The following AOPEP variants were observed in gnomAD, a reference collection of about 807,000 sequenced individuals.
The protein encoded by AOPEP is aminopeptidase O (putative).
A neutral mutation model predicts 98.1 loss-of-function variants in AOPEP; 77 were observed. That is an observed-to-expected ratio of 0.78 (90% CI 0.65 to 0.95). The LOEUF is 0.95. Ranked by LOEUF, AOPEP falls within the 40% of genes least tolerant of loss-of-function variation. The pLI is 0.00. For missense variants in AOPEP, 1,024 were observed against 1,024.7 expected, an observed-to-expected ratio of 1.00 and a Z score of 0.01; for synonymous variants, 346 against 365.3, an observed-to-expected ratio of 0.95 and a Z score of 0.60.
At chr9:94,913,694 A>AGCAG (rs2136511838) in intron 5 of AOPEP, among the ~76,000 whole-genome samples, 1 of 152,350 alleles carries the variant, frequency 6.6e-6, no homozygotes. Flanking sequence ...AATTTGTTTA[A>AGCAG]CAAAGGTGGT....
intron 14 of AOPEP, among the ~76,000 whole-genome samples, chr9:95,076,633 A>G (rs754377961): frequency 2.6e-5 from 4 of 152,230 alleles, no homozygotes; most frequent in Non-Finnish European, 5.9e-5. Flanking sequence ...AATGCAATCC[A>G]TGAAGTTATC....
At chr9:94,851,635 T>A (rs991291304) in intron 5 of AOPEP, among the ~76,000 whole-genome samples, 3 of 151,624 alleles carry the variant, frequency 2.0e-5, no homozygotes, top group Non-Finnish European at 2.9e-5. Context: ...CACTGTGATC[T>A]GATGACTGGT....
At chr9:95,057,560 A>G (rs1459894378) in intron 13 of AOPEP, among the ~76,000 whole-genome samples, 2 of 152,274 alleles carry the variant, frequency 1.3e-5, no homozygotes, top group Non-Finnish European at 2.9e-5. Context: ...AGACAAATGT[A>G]TGGAAGCTGT....
In AOPEP at chr9:95,082,649, C is replaced by T; in HGVS notation, c.2394C>T (p.Cys798=). The change falls in exon 16 of 17, where the codon TGC becomes TGT. Residue 798 remains cysteine, a synonymous_variant. Coordinates refer to ENST00000375315, the MANE Select transcript of AOPEP (RefSeq NM_001193329.3). Reference sequence around the variant, plus strand: ...GACAGCAGCAGCTCGCCCGTAGGTGCTTCGAGCGGACCAAGGAGCAGATGG... The same window carrying T: ...GACAGCAGCAGCTCGCCCGTAGGTGTTTCGAGCGGACCAAGGAGCAGATGG... The part of the protein sequence containing the change: ...DARQQQLARR[C]FERTKEQMDR... The T allele has an allele frequency of 6.2e-7, 1 of 1,614,228 alleles. No homozygotes were observed. The highest frequency in any genetic ancestry group is 8.5e-7 in the Non-Finnish European group (1 of 1,180,042).
chr9:95,002,199 TAGAA>T (rs1267830881), intron 11 of AOPEP, among the ~76,000 whole-genome samples: 1 of 152,204 alleles, frequency 6.6e-6, no homozygotes, highest in Non-Finnish European at 1.5e-5. Flanking sequence ...AGGAGGTAAT[TAGAA>T]AGATATTCAT....
intron 13 of AOPEP, among the ~76,000 whole-genome samples, chr9:95,016,980 T>G (rs1293399755): frequency 1.3e-5 from 2 of 149,496 alleles, no homozygotes; most frequent in African/African-American, 2.4e-5. Context: ...GCTCATGCTA[T>G]TAATTTATAA....
chr9:94,979,877 C>T (rs2060076188), intron 11 of AOPEP, among the ~76,000 whole-genome samples: 2 of 152,194 alleles, frequency 1.3e-5, no homozygotes, highest in South Asian at 4.1e-4. Flanking sequence ...GCCCCATGGT[C>T]CCTGTCCCTT....
At chr9:95,025,563 T>C (rs2063775594) in intron 13 of AOPEP, among the ~76,000 whole-genome samples, 1 of 152,200 alleles carries the variant, frequency 6.6e-6, no homozygotes, top group South Asian at 2.1e-4. Context: ...GGAGAAAAGG[T>C]GCAAGAAAGG....
intron 5 of AOPEP, among the ~76,000 whole-genome samples, chr9:94,825,290 C>G (rs892550624): frequency 6.6e-6 from 1 of 152,202 alleles, no homozygotes. Flanking sequence ...AGACCAGCCC[C>G]GCATCCTGCT....
At chr9:95,004,655 G>A (rs2061801312) in intron 11 of AOPEP, among the ~76,000 whole-genome samples, 1 of 151,702 alleles carries the variant, frequency 6.6e-6, no homozygotes, top group South Asian at 2.1e-4. Flanking sequence ...CCTGCGGCGG[G>A]CGGCGCGGGC....
At chr9:94,777,894 G>A (rs1032103462) in intron 3 of AOPEP, among the ~76,000 whole-genome samples, 2 of 151,872 alleles carry the variant, frequency 1.3e-5, no homozygotes, top group African/African-American at 4.8e-5. Flanking sequence ...AAAGTGCTGG[G>A]ATTACAGGTG....
intron 5 of AOPEP, among the ~76,000 whole-genome samples, chr9:94,905,309 A>T (rs1588813378): frequency 6.6e-6 from 1 of 152,338 alleles, no homozygotes. Context: ...TCTTTCAGTA[A>T]AATTAAAATA....
intron 5 of AOPEP, among the ~76,000 whole-genome samples, chr9:94,820,875 C>T (rs1209427189): frequency 6.6e-6 from 1 of 152,168 alleles, no homozygotes; most frequent in Admixed American, 6.5e-5. Context: ...TCTCTCGCCC[C>T]CAACCTAATG....
intron 16 of AOPEP, among the ~76,000 whole-genome samples, chr9:95,083,569 G>A (rs1280534304): frequency 1.4e-4 from 20 of 143,670 alleles, no homozygotes; most frequent in African/African-American, 3.1e-4. Flanking sequence ...CACACACAGC[G>A]CATGCACAAC....
chr9:95,146,026 A>C, the AOPEP span, among the ~76,000 whole-genome samples: 6 of 152,170 alleles, frequency 3.9e-5, no homozygotes, highest in Non-Finnish European at 5.9e-5. Flanking sequence ...ATTCTAAGAC[A>C]ATCAGGATAA....
intron 13 of AOPEP, among the ~76,000 whole-genome samples, chr9:95,049,623 T>C (rs1416972883): frequency 2.6e-5 from 4 of 152,208 alleles, no homozygotes; most frequent in Non-Finnish European, 4.4e-5. Flanking sequence ...TACTTTTTCT[T>C]ATAGGAGCAC....
chr9:94,898,714 C>G (rs1318414516), intron 5 of AOPEP, among the ~76,000 whole-genome samples: 1 of 150,268 alleles, frequency 6.7e-6, no homozygotes, highest in Admixed American at 6.6e-5. Context: ...GAGGCCGAGG[C>G]GGGTGGATCA....
intron 3 of AOPEP, among the ~76,000 whole-genome samples, chr9:94,780,248 ATCTG>A (rs771998002): frequency 5.3e-5 from 8 of 152,188 alleles, no homozygotes; most frequent in Admixed American, 1.3e-4. Context: ...TGTCATATTC[ATCTG>A]TCTGTCTGTT....
intron 11 of AOPEP, among the ~76,000 whole-genome samples, chr9:94,999,240 A>G (rs2061417014): frequency 6.6e-6 from 1 of 152,184 alleles, no homozygotes; most frequent in Admixed American, 6.5e-5. Flanking sequence ...GATAAATATA[A>G]CATGATAGAA....
Sources: allele counts gnomAD v4.1 joint callset (sites outside exome capture counted in the v4.1 genomes callset), GRCh38; gene constraint gnomAD v4.1.1; transcripts MANE v1.5; gene names NCBI Gene and HGNC (gene_info 2026-07-23, HGNC 2026-07-21).